The following CCDC93 variants were observed in gnomAD, a reference collection of about 807,000 sequenced individuals.
CCDC93 encodes the protein CCC complex scaffolding subunit CCDC93.
Under a neutral mutation model 108.2 loss-of-function variants are expected in CCDC93, and 61 were observed. The ratio of observed to expected loss-of-function variants is 0.56; its 90% CI spans 0.46 to 0.70. The LOEUF is 0.70. Among genes scored for constraint, CCDC93 ranks in the 30% least tolerant of loss-of-function variants. CCDC93 has a pLI of 0.00. For missense variants in CCDC93, 685 were observed against 764.2 expected (o/e 0.90, Z 1.22); for synonymous variants, 276 against 260.4 (o/e 1.06, Z -0.58).
chr2:117,926,449 A>C (rs1206599755), intron 23 of CCDC93, among the ~76,000 whole-genome samples: 6 of 152,082 alleles, frequency 3.9e-5, no homozygotes, highest in East Asian at 3.9e-4. Flanking sequence ...CACCACCAAT[A>C]CCACAGAAAT....
chr2:117,928,262 G>A (rs978325222), intron 23 of CCDC93, among the ~76,000 whole-genome samples: 1 of 152,054 alleles, frequency 6.6e-6, no homozygotes, highest in Non-Finnish European at 1.5e-5. Flanking sequence ...TTGACAAGTG[G>A]GATCTCATTA....
At chr2:117,944,729 G>A (rs753223597) in intron 17 of CCDC93, 63 of 471,060 alleles carry the variant, frequency 1.3e-4, no homozygotes, top group Middle Eastern at 1.3e-3. Flanking sequence ...CCTACCCAAC[G>A]CACCCAAGGG....
At position 117,949,337 on chromosome 2, in the gene CCDC93, G is replaced by T; in HGVS notation, c.1127C>A (p.Ser376Tyr). 4.3e-6 allele frequency: 7 copies of T among 1,612,952 alleles called. No individual in the cohort carries two copies. The South Asian group carries it at 6.6e-5, about 15-fold the overall frequency. ...KEQAALEKIE[S>Y]KADPSILQNL... ...AACCTCTTACCTTGGATCAGCTTTG[G>T]ATTCTATCTTCTCGAGGGCTGCTTG... is the stretch of plus-strand genomic sequence containing the variant. Residue 376 changes from serine to tyrosine, a missense_variant, in exon 14 of 24, where the codon TCC becomes TAC. Transcript: ENST00000376300.
intron 13 of CCDC93, 22 bp downstream of exon 13, chr2:117,952,350 AG>A: frequency 6.5e-7 from 1 of 1,536,338 alleles, no homozygotes; most frequent in South Asian, 1.1e-5. Flanking sequence ...GGCCCACAGA[AG>A]AAGGAGAATC....
chr2:117,952,307 T>C (rs1032632108), intron 13 of CCDC93, 66 bp downstream of exon 13: 9 of 997,960 alleles, frequency 9.0e-6, no homozygotes, highest in Middle Eastern at 2.0e-4. Flanking sequence ...ATCATTCCAT[T>C]AGTGGTTCAG....
intron 21 of CCDC93, 144 bp downstream of exon 21, chr2:117,936,558 A>G: frequency 4.1e-6 from 3 of 724,450 alleles, no homozygotes; most frequent in Non-Finnish European, 7.6e-6. Flanking sequence ...TACTTAGCAG[A>G]AGGGCTAAAA....
intron 11 of CCDC93, among the ~76,000 whole-genome samples, chr2:117,969,569 A>T (rs1040059978): frequency 6.6e-6 from 1 of 152,228 alleles, no homozygotes; most frequent in African/African-American, 2.4e-5. Flanking sequence ...TGACGTCTGA[A>T]AGCTAGCCTG....
rs11439902 is a variant in CCDC93, at chr2:118,005,752, C to CAAA, written c.251+967_251+969dup. On this transcript the variant is annotated intron_variant, in intron 3 of 23. Coordinates refer to ENST00000376300, the MANE Select transcript of CCDC93 (RefSeq NM_019044.5). ...GGGTGATAAGAGTGAGACTCTGTCTCAAAAAAAAAAAAAAAGCTGGCTGAT... is the reference window on the plus strand; with the variant it reads ...GGGTGATAAGAGTGAGACTCTGTCTCAAAAAAAAAAAAAAAAAAGCTGGCTGAT... 1.9e-4 allele frequency among the ~76,000 whole-genome samples: 26 copies of CAAA among 134,418 alleles called. 1 individual carries two copies. Among genetic ancestry groups the CAAA allele is most frequent in the South Asian group, 2.4e-4 (1 of 4,126 alleles). The allele number at this position is 134,418 out of a possible 152,430, so 88.2% of individuals were successfully genotyped here. A position where few individuals can be genotyped will look rare whatever the true frequency, so the allele number is the denominator to read the frequency against.
At chr2:117,948,064 T>A in intron 15 of CCDC93, 41 bp downstream of exon 15, 2 of 1,478,248 alleles carry the variant, frequency 1.4e-6, no homozygotes, top group Non-Finnish European at 1.9e-6. Context: ...AGAGATTCAA[T>A]AAGCGTCCTG....
At chr2:117,948,444 A>G (rs1168557221) in intron 14 of CCDC93, among the ~76,000 whole-genome samples, 1 of 152,228 alleles carries the variant, frequency 6.6e-6, no homozygotes, top group African/African-American at 2.4e-5. Flanking sequence ...AACTATAGAA[A>G]CATCAATGAG....
intron 6 of CCDC93, among the ~76,000 whole-genome samples, chr2:117,990,012 C>T (rs1680429213): frequency 1.3e-5 from 2 of 152,288 alleles, no homozygotes; most frequent in African/African-American, 4.8e-5. Context: ...TCTCTGTCCC[C>T]TCTATTCTCA....
chr2:117,923,033 T>C (rs1232615951), intron 23 of CCDC93, among the ~76,000 whole-genome samples: 1 of 151,050 alleles, frequency 6.6e-6, no homozygotes, highest in Non-Finnish European at 1.5e-5. Flanking sequence ...CTACCCACCA[T>C]CACAATTATT....
rs1047290818 is a variant in CCDC93, at chr2:117,916,168, A to T, written c.*4175T>A. 1.3e-5 allele frequency: 2 copies of T among 152,132 alleles called. No individual in the cohort carries two copies. The highest frequency in any genetic ancestry group is 4.8e-5 in the African/African-American group (2 of 41,428). 9.4% of individuals were successfully genotyped at this position (152,132 alleles called of 1,614,324 possible). On this transcript the variant is annotated 3_prime_UTR_variant, in exon 24 of 24. Coordinates refer to ENST00000376300, the MANE Select transcript of CCDC93 (RefSeq NM_019044.5). ...TCACACTCCTGCCACCACCGTATCT[A>T]GTGCTGCCACCCACAGCCTTGCACT...
At chr2:117,952,589 A>T (rs1341170005) in intron 12 of CCDC93, among the ~76,000 whole-genome samples, 154 bp from the exon 13 acceptor site, 1 of 152,228 alleles carries the variant, frequency 6.6e-6, no homozygotes, top group Non-Finnish European at 1.5e-5. Flanking sequence ...TGAAGAAAAA[A>T]ACCTCATATT....
At chr2:117,974,322 G>A (rs1003065752) in intron 10 of CCDC93, among the ~76,000 whole-genome samples, 1 of 152,232 alleles carries the variant, frequency 6.6e-6, no homozygotes, top group East Asian at 1.9e-4. Context: ...CAGGGGATTT[G>A]GCAGGCCTAG....
chr2:117,982,683 G>T (rs574133916), intron 7 of CCDC93, among the ~76,000 whole-genome samples: 32 of 151,806 alleles, frequency 2.1e-4, no homozygotes, highest in African/African-American at 7.0e-4. Flanking sequence ...CTGACAAGAG[G>T]TAAGATAAGG....
chr2:117,936,686 GACTGACAGT>G lies in CCDC93; in HGVS notation c.1643+7_1643+15del. 1 of 1,605,664 alleles carries G rather than the reference GACTGACAGT, an allele frequency of 6.2e-7. No homozygotes were observed. Among genetic ancestry groups the G allele is most frequent in the Non-Finnish European group, 8.5e-7 (1 of 1,172,294 alleles). ...CCGGCAGGGTATTAGTGGGAAGGAG[GACTGACAGT>G]ACTTACTGTGAGAAGTTCTCATGAA... On this transcript the variant is annotated splice_region_variant and intron_variant, in intron 21 of 23. Coordinates refer to ENST00000376300, the MANE Select transcript of CCDC93 (RefSeq NM_019044.5).
intron 7 of CCDC93, among the ~76,000 whole-genome samples, chr2:117,981,248 C>T (rs1259731879): frequency 6.6e-6 from 1 of 152,168 alleles, no homozygotes; most frequent in East Asian, 1.9e-4. Flanking sequence ...CAGTTCAGTG[C>T]CTGGCACATA....
chr2:117,926,062 GAAACCAACGAGAA>G (rs1313345837), intron 23 of CCDC93, among the ~76,000 whole-genome samples: 12 of 152,162 alleles, frequency 7.9e-5, no homozygotes, highest in African/African-American at 2.9e-4. Context: ...GATGTTCTTT[GAAACCAACGAGAA>G]CAAAGACACA....
Sources: gnomAD v4.1 joint callset for allele counts (sites outside exome capture counted in the v4.1 genomes callset) on GRCh38, gnomAD v4.1.1 for gene constraint, MANE v1.5 for transcripts, NCBI Gene and HGNC (gene_info 2026-07-23, HGNC 2026-07-21) for gene names.